Variants in PNPLA6 observed in about 807,000 individuals in gnomAD.
PNPLA6 encodes the protein patatin-like phospholipase domain-containing protein 6.
In PNPLA6, 105 loss-of-function variants were observed where a neutral mutation model predicts 153.7. The ratio of observed to expected loss-of-function variants is 0.68; its 90% CI spans 0.58 to 0.80. PNPLA6 has a LOEUF of 0.80. Among genes scored for constraint, PNPLA6 ranks in the 30% least tolerant of loss-of-function variants. PNPLA6 has a pLI of 0.00. For missense variants in PNPLA6, 1,423 were observed against 1,919.3 expected (o/e 0.74, Z 4.83); for synonymous variants, 825 against 822.2 (o/e 1.00, Z -0.06).
At chr19:7,542,258 G>T (rs2146059094) in intron 10 of PNPLA6, among the ~76,000 whole-genome samples, 191 bp downstream of exon 10, 1 of 152,348 alleles carries the variant, frequency 6.6e-6, no homozygotes, top group Admixed American at 6.5e-5. Flanking sequence ...GAGGGAGAGT[G>T]CAGGCGTTGA....
intron 27 of PNPLA6, 111 bp from the exon 28 acceptor site, chr19:7,558,735 TTCTC>T (rs147968677): frequency 8.7e-6 from 6 of 692,968 alleles, no homozygotes; most frequent in Admixed American, 2.4e-5. Context: ...TGTGTGGGTA[TTCTC>T]TCTTTTTTTT....
chr19:7,558,015 G>T (rs1296283634), intron 27 of PNPLA6, among the ~76,000 whole-genome samples: 1 of 152,210 alleles, frequency 6.6e-6, no homozygotes, highest in African/African-American at 2.4e-5. Flanking sequence ...GTGCACAGAT[G>T]AACACGTGTG....
rs2023576663 is a variant in PNPLA6 at position 7,550,087 on chromosome 19, C to T, written c.1789C>T (p.Arg597Trp). 6.2e-7 allele frequency: 1 copy of T among 1,614,098 alleles called. No homozygotes were observed. Among genetic ancestry groups the T allele is most frequent in the Non-Finnish European group, 8.5e-7 (1 of 1,180,046 alleles). The change falls in exon 14 of 32, where the codon CGG (arginine) becomes TGG (tryptophan). Residue 597 changes from arginine to tryptophan, a missense_variant. Physicochemically the swap from Arg to Trp is moderately radical, Grantham distance 101. This residue lies in a region of PNPLA6 where 119 missense variants were observed against 163.7 expected (regional missense o/e 0.73). Coordinates refer to ENST00000600737, the MANE Select transcript of PNPLA6 (RefSeq NM_001166114.2). Reference sequence around the variant, plus strand: ...AGCCCAACGCGACTGCACCTTCCTGCGGATCTCCAAGTCCGACTTCTATGA... The same window carrying T: ...AGCCCAACGCGACTGCACCTTCCTGTGGATCTCCAAGTCCGACTTCTATGA... ...LRAQRDCTFL[R>W]ISKSDFYEIM...
At chr19:7,551,526 C>A in intron 18 of PNPLA6, 89 bp downstream of exon 18, 1 of 1,149,186 alleles carries the variant, frequency 8.7e-7, no homozygotes, top group Non-Finnish European at 1.3e-6. Flanking sequence ...CTGAGGGATG[C>A]TGGGAAATGG....
intron 3 of PNPLA6, among the ~76,000 whole-genome samples, 165 bp from the exon 4 acceptor site, chr19:7,539,753 G>T (rs1402795144): frequency 8.4e-6 from 1 of 119,616 alleles, no homozygotes; most frequent in African/African-American, 3.3e-5. Context: ...GCAAAACTTC[G>T]TCTCAAAAAA....
In PNPLA6 at chr19:7,541,938, C is replaced by T. The variant is rs1568409287; in HGVS notation, c.1169-46C>T. 1 of 1,501,930 alleles carries T rather than the reference C, an allele frequency of 6.7e-7. No individual in the cohort carries two copies. The highest frequency in any genetic ancestry group is 1.1e-5 in the South Asian group (1 of 89,116). The allele number at this position is 1,501,930 out of a possible 1,614,324, so 93.0% of individuals were successfully genotyped here. The stretch of plus-strand genomic sequence containing the variant: ...CCTTATCTCCCAACCTGCTAATCCT[C>T]CTAGTGGCTCTGAGGGGCAGGAGCC... On this transcript the variant is annotated intron_variant, in intron 9 of 31. Coordinates refer to ENST00000600737, the MANE Select transcript of PNPLA6 (RefSeq NM_001166114.2). The surrounding 1 kb of genome is among the most constrained non-coding windows in gnomAD (Gnocchi z 5.2).
chr19:7,536,950 A>AAAAAG (rs1555743945), intron 3 of PNPLA6, among the ~76,000 whole-genome samples: 19 of 127,090 alleles, frequency 1.5e-4, no homozygotes, highest in African/African-American at 3.2e-4. Context: ...AAAAAAAAAA[A>AAAAAG]AAGAAGAAGA....
At chr19:7,552,343 C>G (rs898042390) in intron 18 of PNPLA6, among the ~76,000 whole-genome samples, 1 of 152,168 alleles carries the variant, frequency 6.6e-6, no homozygotes, top group African/African-American at 2.4e-5. Context: ...TGGCCAGATT[C>G]TGGGCCAGCC....
intron 27 of PNPLA6, among the ~76,000 whole-genome samples, chr19:7,558,542 G>C (rs1290642597): frequency 1.3e-5 from 2 of 152,162 alleles, no homozygotes; most frequent in African/African-American, 4.8e-5. Context: ...TGAGGCAAGA[G>C]AGTTGCTTGA....
At chr19:7,536,788 G>A (rs1236071332) in intron 3 of PNPLA6, among the ~76,000 whole-genome samples, 3 of 152,224 alleles carry the variant, frequency 2.0e-5, no homozygotes, top group African/African-American at 7.2e-5. Flanking sequence ...TTAGCTGGGC[G>A]TGGTGGCATG....
intron 27 of PNPLA6, among the ~76,000 whole-genome samples, chr19:7,558,279 AG>A (rs2023969234): frequency 6.6e-6 from 1 of 152,228 alleles, no homozygotes; most frequent in Non-Finnish European, 1.5e-5. Flanking sequence ...CTTGTAGGCC[AG>A]GGGTGGGCAA....
rs368690743 is a variant in PNPLA6, at chr19:7,551,401, C to T, written c.2224C>T (p.Leu742=). 5.6e-6 allele frequency: 9 copies of T among 1,613,984 alleles called. No homozygotes were observed. Among genetic ancestry groups the T allele is most frequent in the Middle Eastern group, 1.6e-4 (1 of 6,062 alleles). The change falls in exon 18 of 32, where the codon CTA becomes TTA. Residue 742 remains leucine (L), a synonymous_variant. Coordinates refer to ENST00000600737, the MANE Select transcript of PNPLA6 (RefSeq NM_001166114.2). ...RLIHLLSQKI[L]GNLQQLQGPF... ...TATCCACCTACTGAGCCAGAAAATT[C>T]TAGGGAATTTGCAGCAGCTGCAAGG...
intron 13 of PNPLA6, among the ~76,000 whole-genome samples, chr19:7,547,571 C>A (rs1484185431): frequency 6.6e-6 from 1 of 151,934 alleles, no homozygotes; most frequent in African/African-American, 2.4e-5. Flanking sequence ...TGGGCTGAAA[C>A]TATCAAGCGA....
rs534161074 is a variant in PNPLA6, at chr19:7,539,428, G to T, written c.414-490G>T. Among the ~76,000 whole-genome samples the T allele has an allele frequency of 4.0e-5, 6 of 151,818 alleles. No individual in the cohort carries two copies. In the East Asian group the frequency reaches 1.2e-3, roughly 29 times the overall value. On this transcript the variant is annotated intron_variant, in intron 3 of 31. Coordinates refer to ENST00000600737, the MANE Select transcript of PNPLA6 (RefSeq NM_001166114.2). ...TGGGAGGTGGAGGTTGCAGTGGGCC[G>T]AGATTTCGCCACTGCACTCCAGCCT...
intron 24 of PNPLA6, among the ~76,000 whole-genome samples, chr19:7,556,238 A>G (rs1599307418): frequency 6.6e-6 from 1 of 151,102 alleles, no homozygotes; most frequent in East Asian, 2.0e-4. Context: ...ATTTTTTTGT[A>G]TTTTAGTAGA....
At chr19:7,538,653 A>T (rs769860167) in intron 3 of PNPLA6, among the ~76,000 whole-genome samples, 8 of 152,116 alleles carry the variant, frequency 5.3e-5, no homozygotes, top group Non-Finnish European at 8.8e-5. Flanking sequence ...GGCTATCTGG[A>T]TTCTCCACTT....
In PNPLA6 at chr19:7,555,413, G is replaced by A. The variant is rs2023834062; in HGVS notation, c.2936+46G>A. 7.0e-7 allele frequency: 1 copy of A among 1,426,160 alleles called. No individual in the cohort carries two copies. The highest frequency in any genetic ancestry group is 2.5e-5 in the East Asian group (1 of 40,384). The allele number at this position is 1,426,160 out of a possible 1,614,324, so 88.3% of individuals were successfully genotyped here. On this transcript the variant is annotated intron_variant, in intron 23 of 31. Coordinates refer to ENST00000600737, the MANE Select transcript of PNPLA6 (RefSeq NM_001166114.2). This position sits in a 1 kb window ranked among gnomAD's most constrained non-coding sequence, Gnocchi z 6.3. ...CTGGGGGCGGGGCCTGGATGTCCGA[G>A]GGTGGAGCTTCCTGGGAGAAACCGT...
intron 18 of PNPLA6, among the ~76,000 whole-genome samples, chr19:7,552,037 G>A (rs2023675054): frequency 6.6e-6 from 1 of 152,188 alleles, no homozygotes; most frequent in Admixed American, 6.5e-5. Context: ...CTTGAGCCCG[G>A]AGGTCGAGGC....
intron 26 of PNPLA6, 53 bp from the exon 27 acceptor site, chr19:7,557,115 G>A (rs947880587): frequency 1.1e-4 from 147 of 1,366,016 alleles, no homozygotes; most frequent in Non-Finnish European, 1.3e-4. Context: ...CTGGGCCTCC[G>A]GCGTGTCTGA....
Sources: gnomAD v4.1 joint callset for allele counts (sites outside exome capture counted in the v4.1 genomes callset) on GRCh38, gnomAD v4.1.1 for gene constraint, gnomAD v4.1.1 regional missense constraint, Gnocchi (gnomAD v3.1) non-coding constraint, MANE v1.5 for transcripts, NCBI Gene and HGNC (gene_info 2026-07-23, HGNC 2026-07-21) for gene names.